The following TBC1D23 variants were observed in gnomAD, a reference collection of about 807,000 sequenced individuals.
TBC1D23 encodes TBC1 domain family member 23.
Under a neutral mutation model 91.4 loss-of-function variants are expected in TBC1D23, and 55 were observed. The ratio of observed to expected loss-of-function variants is 0.60; its 90% confidence interval spans 0.48 to 0.75. The LOEUF is 0.75. TBC1D23 is among the 30% of genes least tolerant of loss of function. TBC1D23 has a pLI of 0.00. For missense variants in TBC1D23, 725 were observed against 836.1 expected, an observed-to-expected ratio of 0.87 and a Z score of 1.64; for synonymous variants, 289 against 281.0, an observed-to-expected ratio of 1.03 and a Z score of -0.28.
At chr3:100,306,599 A>T in intron 13 of TBC1D23, 56 bp downstream of exon 13, 3 of 999,050 alleles carry the variant, frequency 3.0e-6, no homozygotes, top group Non-Finnish European at 1.6e-6. Flanking sequence ...AGAAAAGGTG[A>T]TTAACTACTA....
chr3:100,320,093 C>G (rs1044767205), intron 17 of TBC1D23, among the ~76,000 whole-genome samples: 3 of 152,070 alleles, frequency 2.0e-5, no homozygotes, highest in African/African-American at 7.2e-5. Flanking sequence ...TTTAGTCTCA[C>G]CCTGTGTACA....
rs747885649 is a variant in TBC1D23, at chr3:100,290,562, T to C, written c.477-16T>C. ...ATCTGTTAATGCAAAAAAATTTTGCTTCTCTTGTCTTCTAGGGATTGTTCC... is the reference window on the plus strand; with the variant it reads ...ATCTGTTAATGCAAAAAAATTTTGCCTCTCTTGTCTTCTAGGGATTGTTCC... On this transcript the variant is annotated splice_polypyrimidine_tract_variant and intron_variant, in intron 4 of 18. Transcript: ENST00000394144. 5.0e-6 allele frequency: 8 copies of C among 1,608,016 alleles called. No homozygotes were observed. The highest frequency in any genetic ancestry group is 1.7e-4 in the Middle Eastern group (1 of 6,010).
At chr3:100,265,554 A>T (rs909514328) in intron 1 of TBC1D23, among the ~76,000 whole-genome samples, 1 of 152,246 alleles carries the variant, frequency 6.6e-6, no homozygotes, top group Non-Finnish European at 1.5e-5. Context: ...CCTCCTTGGT[A>T]TTGAAGAAAC....
intron 16 of TBC1D23, among the ~76,000 whole-genome samples, chr3:100,317,014 C>A (rs903069245): frequency 6.7e-6 from 1 of 149,990 alleles, no homozygotes; most frequent in African/African-American, 2.5e-5. Flanking sequence ...ACCCAGGAGG[C>A]GGAGGTGCAG....
chr3:100,271,928 C>A (rs1435869328), intron 1 of TBC1D23, among the ~76,000 whole-genome samples: 2 of 152,122 alleles, frequency 1.3e-5, no homozygotes, highest in Non-Finnish European at 2.9e-5. Flanking sequence ...CAAGAATGTG[C>A]TTTAAGTTTT....
chr3:100,271,806 G>C (rs934384312), intron 1 of TBC1D23, among the ~76,000 whole-genome samples: 7 of 152,198 alleles, frequency 4.6e-5, no homozygotes, highest in African/African-American at 1.7e-4. Context: ...CCCACATTGA[G>C]TAGAGTATAG....
At chr3:100,313,726 TTATAA>T (rs1242943436) in intron 15 of TBC1D23, among the ~76,000 whole-genome samples, 42 of 152,300 alleles carry the variant, frequency 2.8e-4, no homozygotes, top group Middle Eastern at 3.4e-3. Flanking sequence ...AGGAGAAAAC[TTATAA>T]TCTAATCTAT....
intron 12 of TBC1D23, 37 bp from the exon 13 acceptor site, chr3:100,306,400 A>G (rs762937121): frequency 4.0e-6 from 5 of 1,246,054 alleles, no homozygotes; most frequent in Non-Finnish European, 5.8e-6. Context: ...GAGTGTTGAT[A>G]TTTTAGGTTT....
rs1022267029 is a variant in TBC1D23 at position 100,319,750 on chromosome 3, G to A, written c.1823+546G>A. Among the ~76,000 whole-genome samples the A allele has an allele frequency of 3.3e-5, 5 of 151,868 alleles. No homozygotes were observed. The South Asian group carries it at 8.3e-4, about 25-fold the overall frequency. On this transcript the variant is annotated intron_variant, in intron 17 of 18. Transcript: ENST00000394144. Reference sequence around the variant, plus strand: ...GCCATGATTCTTAGATTTATCAACTGTTACCACCTTTTAATACCACCCCAT... The same window carrying A: ...GCCATGATTCTTAGATTTATCAACTATTACCACCTTTTAATACCACCCCAT...
rs1046737062 is a variant in TBC1D23 at position 100,280,151 on chromosome 3, A to T, written c.165+391A>T. Among the ~76,000 whole-genome samples the T allele has an allele frequency of 7.2e-5, 11 of 151,738 alleles. No individual in the cohort carries two copies. In the East Asian group the frequency reaches 1.6e-3, roughly 21 times the overall value. ...AGGCCGAGGCAAGAGAATCGCTTGA[A>T]CCCAGGAGGCGAGGCTACAGTGAGC... On this transcript the variant is annotated intron_variant, in intron 2 of 18. Coordinates refer to ENST00000394144, the MANE Select transcript of TBC1D23 (RefSeq NM_001199198.3).
chr3:100,290,843 G>T, intron 5 of TBC1D23, 142 bp downstream of exon 5: 2 of 606,996 alleles, frequency 3.3e-6, no homozygotes, highest in East Asian at 6.6e-5. Context: ...TAAAATTATT[G>T]GCATTTCAAA....
At chr3:100,261,456 A>C (rs1559796841) in intron 1 of TBC1D23, 5 of 212,168 alleles carry the variant, frequency 2.4e-5, no homozygotes, top group Admixed American at 1.2e-4. Flanking sequence ...CTAAAATACA[A>C]TGTGAAGAAA....
At chr3:100,316,793 T>A (rs1220631962) in intron 16 of TBC1D23, among the ~76,000 whole-genome samples, 1 of 151,994 alleles carries the variant, frequency 6.6e-6, no homozygotes, top group African/African-American at 2.4e-5. Context: ...GTGGTTATGT[T>A]TTAAAAAAAA....
chr3:100,267,132 C>T (rs1576155562), intron 1 of TBC1D23: 2 of 357,234 alleles, frequency 5.6e-6, no homozygotes, highest in East Asian at 8.8e-5. Context: ...CTGAAGATAT[C>T]TAAATGCTGG....
At chr3:100,290,835 A>G in intron 5 of TBC1D23, 134 bp downstream of exon 5, 1 of 663,534 alleles carries the variant, frequency 1.5e-6, no homozygotes, top group Non-Finnish European at 2.3e-6. Flanking sequence ...CAAAGGGGTA[A>G]AATTATTGGC....
At chr3:100,289,227 C>CA (rs900962123) in intron 4 of TBC1D23, among the ~76,000 whole-genome samples, 9 of 151,586 alleles carry the variant, frequency 5.9e-5, no homozygotes, top group East Asian at 1.9e-4. Context: ...AAAAACAAAA[C>CA]AAAAAAAACC....
intron 18 of TBC1D23, among the ~76,000 whole-genome samples, chr3:100,322,220 G>C (rs770521654): frequency 1.3e-4 from 20 of 151,990 alleles, no homozygotes; most frequent in Non-Finnish European, 2.9e-4. Context: ...TCAGCCTACC[G>C]AGTAGCTGGG....
At chr3:100,301,732 T>A (rs1011795026) in intron 10 of TBC1D23, 1 of 188,350 alleles carries the variant, frequency 5.3e-6, no homozygotes, top group African/African-American at 2.4e-5. Context: ...TTTTGATCTA[T>A]AGTTTTATAC....
At chr3:100,271,732 A>AG (rs2067601261) in intron 1 of TBC1D23, among the ~76,000 whole-genome samples, 1 of 152,226 alleles carries the variant, frequency 6.6e-6, no homozygotes, top group Non-Finnish European at 1.5e-5. Flanking sequence ...AGTGCTGAAT[A>AG]GGAGATTTTC....
Sources: gnomAD v4.1 joint callset for allele counts (sites outside exome capture counted in the v4.1 genomes callset) on GRCh38, gnomAD v4.1.1 for gene constraint, MANE v1.5 for transcripts, NCBI Gene and HGNC (gene_info 2026-07-23, HGNC 2026-07-21) for gene names.